LRMDA: variants seen among roughly 807,000 people sequenced by gnomAD.
LRMDA encodes the protein leucine rich melanocyte differentiation associated, also known as leucine-rich melanocyte differentiation-associated protein.
A neutral mutation model predicts 29.8 loss-of-function variants in LRMDA; 18 were observed. The observed-to-expected ratio is 0.60, with a 90% CI of 0.42 to 0.90. LRMDA has a LOEUF of 0.90. Ranked by LOEUF, LRMDA falls within the 40% of genes least tolerant of loss-of-function variation. The pLI, the probability that LRMDA is intolerant of heterozygous loss-of-function variation, is 0.00. For missense variants in LRMDA, 273 were observed against 273.9 expected (o/e 1.00, Z 0.02); for synonymous variants, 125 against 109.4 (o/e 1.14, Z -0.89).
In LRMDA at chr10:75,879,679, G is replaced by C. The variant is rs928885238; in HGVS notation, c.132-156329G>C. ...CAGGATTTGGGGTTTGGGTTCCTTG[G>C]GGTCTTATGAAAAGCCATTGAGGTT... On this transcript the variant is annotated intron_variant, in intron 2 of 6. Coordinates refer to ENST00000611255, the MANE Select transcript of LRMDA (RefSeq NM_001305581.2). Among the ~76,000 whole-genome samples, 6 of 152,246 alleles carry C rather than the reference G, an allele frequency of 3.9e-5. No homozygotes were observed. In the East Asian group the frequency reaches 1.2e-3, roughly 29 times the overall value.
chr10:76,488,836 T>C lies in LRMDA; in HGVS notation c.602-68373T>C, dbSNP rs560130869. ...TTGAACCATCCTTGAATTTGCGAGA[T>C]AGATCCTATTTGATCATGATGAATG... On this transcript the variant is annotated intron_variant, in intron 6 of 6. Coordinates refer to ENST00000611255, the MANE Select transcript of LRMDA (RefSeq NM_001305581.2). Among the ~76,000 whole-genome samples, 7 of 152,066 alleles carry C rather than the reference T, an allele frequency of 4.6e-5. No individual in the cohort carries two copies. In the East Asian group the frequency reaches 1.4e-3, roughly 30 times the overall value.
intron 1 of LRMDA, among the ~76,000 whole-genome samples, chr10:75,433,163 A>G (rs146272066): frequency 2.7e-4 from 41 of 152,128 alleles, no homozygotes; most frequent in African/African-American, 8.4e-4. Context: ...CTCTTGGAGT[A>G]TCTACCTAAG....
chr10:76,262,004 G>A (rs1292479064), intron 5 of LRMDA, among the ~76,000 whole-genome samples: 1 of 152,102 alleles, frequency 6.6e-6, no homozygotes, highest in Admixed American at 6.5e-5. Flanking sequence ...TGGCTGAGGT[G>A]GGAGGATCTC....
chr10:75,879,193 G>A (rs1845252102), intron 2 of LRMDA, among the ~76,000 whole-genome samples: 2 of 152,220 alleles, frequency 1.3e-5, no homozygotes, highest in Admixed American at 1.3e-4. Flanking sequence ...GGCGTGAGGA[G>A]TGGGCTGGCA....
chr10:76,529,119 C>T (rs923637023), intron 6 of LRMDA, among the ~76,000 whole-genome samples: 54 of 152,162 alleles, frequency 3.5e-4, no homozygotes, highest in African/African-American at 1.3e-3. Context: ...TATGCAACCA[C>T]TGTCATCACC....
At chr10:76,233,598 C>T (rs1275571393) in intron 5 of LRMDA, among the ~76,000 whole-genome samples, 1 of 152,190 alleles carries the variant, frequency 6.6e-6, no homozygotes, top group East Asian at 1.9e-4. Flanking sequence ...AGTAAATCCT[C>T]TCAAACCCTG....
chr10:76,214,846 A>G (rs1362780181), intron 5 of LRMDA, among the ~76,000 whole-genome samples: 2 of 152,194 alleles, frequency 1.3e-5, no homozygotes, highest in East Asian at 1.9e-4. Flanking sequence ...CAGGAGCTGT[A>G]CTTGGTGATT....
intron 2 of LRMDA, among the ~76,000 whole-genome samples, chr10:75,893,262 T>G (rs1845525090): frequency 6.6e-6 from 1 of 152,262 alleles, no homozygotes; most frequent in African/African-American, 2.4e-5. Flanking sequence ...GGCATATAGA[T>G]GACACCAAAA....
At chr10:76,174,879 C>T (rs1850904340) in intron 5 of LRMDA, among the ~76,000 whole-genome samples, 1 of 125,694 alleles carries the variant, frequency 8.0e-6, no homozygotes, top group Non-Finnish European at 1.6e-5. Context: ...TAGCACTTTG[C>T]TAGGCCGAGG....
chr10:75,443,965 A>C (rs944130525), intron 2 of LRMDA, among the ~76,000 whole-genome samples: 1 of 152,166 alleles, frequency 6.6e-6, no homozygotes, highest in Non-Finnish European at 1.5e-5. Flanking sequence ...AACCACTCAT[A>C]TAAGGAACAT....
At chr10:75,584,763 G>A (rs1382601933) in intron 2 of LRMDA, among the ~76,000 whole-genome samples, 2 of 152,132 alleles carry the variant, frequency 1.3e-5, no homozygotes, top group Non-Finnish European at 2.9e-5. Context: ...GGCAACTAAT[G>A]GCCAACAGCA....
intron 6 of LRMDA, among the ~76,000 whole-genome samples, chr10:76,429,583 A>T (rs1240197154): frequency 2.0e-5 from 3 of 152,090 alleles, no homozygotes; most frequent in Non-Finnish European, 4.4e-5. Flanking sequence ...TTAAAAAAAA[A>T]ATTGCTGTTA....
At chr10:75,897,877 C>T (rs1845610630) in intron 2 of LRMDA, among the ~76,000 whole-genome samples, 2 of 119,410 alleles carry the variant, frequency 1.7e-5, no homozygotes, top group African/African-American at 3.2e-5. Context: ...GGCTGTAGTG[C>T]AGTGGCACAA....
rs560076916 is a variant in LRMDA at position 76,062,023 on chromosome 10, C to T, written c.516+3240C>T. On this transcript the variant is annotated intron_variant, in intron 5 of 6. Transcript: ENST00000611255. ...TTGTTCCCATGCAGGTGTGTATACC[C>T]GCTTCCGTCTCTGTGTATATATACA... 6.6e-5 allele frequency among the ~76,000 whole-genome samples: 10 copies of T among 152,254 alleles called. No homozygotes were observed. The South Asian group carries it at 1.0e-3, about 16-fold the overall frequency.
At chr10:76,203,908 C>T (rs376174776) in intron 5 of LRMDA, among the ~76,000 whole-genome samples, 6 of 150,044 alleles carry the variant, frequency 4.0e-5, no homozygotes, top group Non-Finnish European at 7.4e-5. Flanking sequence ...ACCCATCTCT[C>T]CATGTGCCCG....
At chr10:75,732,344 C>T (rs1253229049) in intron 2 of LRMDA, among the ~76,000 whole-genome samples, 2 of 152,144 alleles carry the variant, frequency 1.3e-5, no homozygotes, top group African/African-American at 2.4e-5. Context: ...GGGCAAGGTT[C>T]GTGCTCTCCT....
At chr10:75,585,218 CCT>C (rs1382839353) in intron 2 of LRMDA, among the ~76,000 whole-genome samples, 2 of 152,154 alleles carry the variant, frequency 1.3e-5, no homozygotes, top group South Asian at 2.1e-4. Flanking sequence ...TAGTTTTGCC[CCT>C]GTTAAAACTT....
chr10:76,241,580 A>G (rs1852278127), intron 5 of LRMDA, among the ~76,000 whole-genome samples: 1 of 152,232 alleles, frequency 6.6e-6, no homozygotes. Flanking sequence ...CATTGACTGT[A>G]TGAAATGGGA....
In LRMDA at chr10:76,557,614, G is replaced by A; in HGVS notation, c.*326G>A. The A allele has an allele frequency of 2.9e-6, 1 of 341,238 alleles. No individual in the cohort carries two copies. The highest frequency in any genetic ancestry group is 5.4e-6 in the Non-Finnish European group (1 of 184,338). 21.1% of individuals were successfully genotyped at this position (341,238 alleles called of 1,614,324 possible). On this transcript the variant is annotated 3_prime_UTR_variant, in exon 7 of 7. Transcript: ENST00000611255. ...GCCTGGTCCTGCCACTGCTCACAGGGGAGCAGAGGTCACACCTGGGGCCTC... is the reference window on the plus strand; with the variant it reads ...GCCTGGTCCTGCCACTGCTCACAGGAGAGCAGAGGTCACACCTGGGGCCTC...
Sources: allele counts gnomAD v4.1 joint callset (sites outside exome capture counted in the v4.1 genomes callset), GRCh38; gene constraint gnomAD v4.1.1; transcripts MANE v1.5; gene names NCBI Gene and HGNC (gene_info 2026-07-23, HGNC 2026-07-21).